Variants in RESF1 observed in about 807,000 individuals in gnomAD.
The protein encoded by RESF1 is retroelement silencing factor 1, also known as gonad expressed transcript.
RESF1 carries 65 observed loss-of-function variants against 134.7 expected under a neutral mutation model. The ratio of observed to expected loss-of-function variants is 0.48; its 90% CI spans 0.40 to 0.59. The LOEUF (loss-of-function observed/expected upper bound fraction) is 0.59. RESF1 is among the 20% of genes least tolerant of loss of function. The pLI is 0.00. For missense variants in RESF1, 2,274 were observed against 2,002.7 expected (o/e 1.14, Z -2.59); for synonymous variants, 762 against 702.2 (o/e 1.09, Z -1.35).
In RESF1 at chr12:31,983,848, G is replaced by A; in HGVS notation, c.2893G>A (p.Val965Ile). 1 of 1,613,302 alleles carries A rather than the reference G, an allele frequency of 6.2e-7. No individual in the cohort carries two copies. Among genetic ancestry groups the A allele is most frequent in the Non-Finnish European group, 8.5e-7 (1 of 1,179,984 alleles). ...QKDKPVQCTDVSHKICDQSKS... is the reference protein window; with the variant it reads ...QKDKPVQCTDISHKICDQSKS... ...AGATAAACCTGTACAGTGCACAGAT[G>A]TTTCACATAAAATATGTGATCAGTC... is the stretch of plus-strand genomic sequence containing the variant. The change falls in exon 4 of 6, where the codon GTT becomes ATT. Residue 965 changes from valine (V) to isoleucine (I), a missense_variant. Val to Ile is a conservative substitution (Grantham distance 29). Transcript: ENST00000312561.
Position 31,983,951 on chromosome 12 carries a change from A to G in RESF1, c.2996A>G (p.Glu999Gly). 6.2e-7 allele frequency: 1 copy of G among 1,613,840 alleles called. No homozygotes were observed. The change falls in exon 4 of 6, where the codon GAG becomes GGG. Residue 999 changes from glutamate (E) to glycine (G), a missense_variant. By Grantham distance (98) the Glu-to-Gly change is moderately conservative. Coordinates refer to ENST00000312561, the MANE Select transcript of RESF1 (RefSeq NM_018169.4). ...GTTATTCTAGAGAAAAGTAGTTTGG[A>G]GCATGCCACTGAAAAAAGCACAGCT... Reference protein sequence around the residue: ...NRVILEKSSLEHATEKSTAND... With the variant: ...NRVILEKSSLGHATEKSTAND...
chr12:31,969,138 G>A (rs1939457609), intron 2 of RESF1, among the ~76,000 whole-genome samples: 1 of 152,012 alleles, frequency 6.6e-6, no homozygotes, highest in Admixed American at 6.6e-5. Flanking sequence ...TTTTTTTGTA[G>A]AGACTGGGTC....
At chr12:31,989,115 G>A (rs1254763133) in intron 5 of RESF1, among the ~76,000 whole-genome samples, 1 of 151,926 alleles carries the variant, frequency 6.6e-6, no homozygotes, top group East Asian at 1.9e-4. Flanking sequence ...GCAAAGAGGG[G>A]GCTGGGCACG....
chr12:31,982,664 C>G lies in RESF1; in HGVS notation c.1709C>G (p.Thr570Ser). Reference sequence around the variant, plus strand: ...ATTTCTGTTCCCAAGTCCATGTCCACTGAGGAATATAAATCAAAAATTCAA... The same window carrying G: ...ATTTCTGTTCCCAAGTCCATGTCCAGTGAGGAATATAAATCAAAAATTCAA... Reference protein sequence around the residue: ...ETISVPKSMSTEEYKSKIQNE... With the variant: ...ETISVPKSMSSEEYKSKIQNE... Residue 570 changes from threonine to serine, a missense_variant, in exon 4 of 6, where the codon ACT becomes AGT. Thr to Ser is a moderately conservative substitution (Grantham distance 58). Transcript: ENST00000312561. 6.2e-7 allele frequency: 1 copy of G among 1,614,090 alleles called. No individual in the cohort carries two copies. Among genetic ancestry groups the G allele is most frequent in the East Asian group, 2.2e-5 (1 of 44,882 alleles).
chr12:31,969,267 A>G lies in RESF1; in HGVS notation c.-246-922A>G, dbSNP rs575749238. On this transcript the variant is annotated intron_variant, in intron 2 of 5. Transcript: ENST00000312561. ...AGTGGTAACCCCTGTGTATAAAACA[A>G]TTCTTAGGCTGGGATGGCTTGAGCC... Among the ~76,000 whole-genome samples the G allele has an allele frequency of 4.6e-5, 7 of 152,292 alleles. No individual in the cohort carries two copies. The East Asian group carries it at 1.4e-3, about 29-fold the overall frequency.
chr12:31,965,396 A>C (rs1277424123), intron 2 of RESF1, among the ~76,000 whole-genome samples: 4 of 152,174 alleles, frequency 2.6e-5, no homozygotes, highest in Non-Finnish European at 4.4e-5. Context: ...CATAACGTGA[A>C]TCCATGGTAA....
At chr12:31,969,918 A>G (rs571683568) in intron 2 of RESF1, among the ~76,000 whole-genome samples, 40 of 152,246 alleles carry the variant, frequency 2.6e-4, no homozygotes, top group African/African-American at 8.4e-4. Flanking sequence ...ACTTCTTTCT[A>G]TTCATGTGTA....
In RESF1 at chr12:31,985,215, TAAAG is replaced by T. The variant is rs1184204925; in HGVS notation, c.4264_4267del (p.Glu1422ArgfsTer9). 1.9e-6 allele frequency: 3 copies of T among 1,585,144 alleles called. No homozygotes were observed. Among genetic ancestry groups the T allele is most frequent in the African/African-American group, 2.7e-5 (2 of 73,024 alleles). ...CAAACCCAAACGAAAGAGCCATTGT[TAAAG>T]AAAAGATGGTATCAAATACTAAGTC... On this transcript the variant is annotated frameshift_variant, in exon 4 of 6. Coordinates refer to ENST00000312561, the MANE Select transcript of RESF1 (RefSeq NM_018169.4). LOFTEE classifies it high-confidence loss of function.
chr12:31,969,893 G>A (rs1939471005), intron 2 of RESF1, among the ~76,000 whole-genome samples: 1 of 152,090 alleles, frequency 6.6e-6, no homozygotes, highest in South Asian at 2.1e-4. Context: ...GCCCAGCCTA[G>A]GTCTATTTTC....
Position 31,985,695 on chromosome 12 carries a change from A to G in RESF1, c.4740A>G (p.Leu1580=). 1 of 1,611,302 alleles carries G rather than the reference A, an allele frequency of 6.2e-7. No homozygotes were observed. The highest frequency in any genetic ancestry group is 8.5e-7 in the Non-Finnish European group (1 of 1,179,300). Residue 1580 remains leucine, a synonymous_variant, in exon 4 of 6, where the codon TTA becomes TTG. Coordinates refer to ENST00000312561, the MANE Select transcript of RESF1 (RefSeq NM_018169.4). ...CCCAAGTAAAGGATCAAAAGAAATT[A>G]TATCTGAATAGAGTTGGGTTTAAAT... is the stretch of plus-strand genomic sequence containing the variant. The part of the protein sequence containing the change: ...MPPQVKDQKK[L]YLNRVGFKCT...
intron 3 of RESF1, among the ~76,000 whole-genome samples, chr12:31,972,372 C>T (rs1190490201): frequency 1.3e-4 from 20 of 151,620 alleles, no homozygotes; most frequent in Non-Finnish European, 5.9e-5. Flanking sequence ...TTTGGGAGGC[C>T]GAGGTGGGTG....
chr12:31,974,179 C>T (rs531253216), intron 3 of RESF1, among the ~76,000 whole-genome samples: 60 of 151,824 alleles, frequency 4.0e-4, no homozygotes, highest in African/African-American at 1.2e-3. Flanking sequence ...CCCCACCCTA[C>T]GGTCACCTCT....
rs200924789 is a variant in RESF1, at chr12:31,982,155, A to G, written c.1200A>G (p.Leu400=). 6 of 1,613,114 alleles carry G rather than the reference A, an allele frequency of 3.7e-6. No individual in the cohort carries two copies. The East Asian group carries it at 1.3e-4, about 36-fold the overall frequency. ...KEKLVRDIKT[L]VEIKQKFSEL... ...AGCTAGTAAGGGATATTAAAACATTAGTAGAGATAAAACAGAAGTTTTCAG... is the reference window on the plus strand; with the variant it reads ...AGCTAGTAAGGGATATTAAAACATTGGTAGAGATAAAACAGAAGTTTTCAG... The change falls in exon 4 of 6, where the codon TTA becomes TTG. Residue 400 remains leucine, a synonymous_variant. Coordinates refer to ENST00000312561, the MANE Select transcript of RESF1 (RefSeq NM_018169.4).
chr12:31,974,236 G>A (rs962463403), intron 3 of RESF1, among the ~76,000 whole-genome samples: 1 of 151,666 alleles, frequency 6.6e-6, no homozygotes, highest in Non-Finnish European at 1.5e-5. Flanking sequence ...AAGGTCTCAG[G>A]AGCTCTGTGT....
At chr12:31,971,236 G>A (rs141426672) in intron 3 of RESF1, among the ~76,000 whole-genome samples, 16 of 152,226 alleles carry the variant, frequency 1.1e-4, no homozygotes, top group African/African-American at 3.6e-4. Context: ...TCCGCCTCCC[G>A]GATTCAAGTG....
chr12:31,984,382 G>T lies in RESF1; in HGVS notation c.3427G>T (p.Val1143Leu), dbSNP rs1209294936. The T allele has an allele frequency of 6.2e-7, 1 of 1,614,118 alleles. No homozygotes were observed. The highest frequency in any genetic ancestry group is 2.2e-5 in the East Asian group (1 of 44,888). Residue 1143 changes from valine to leucine, a missense_variant, in exon 4 of 6, where the codon GTA becomes TTA. By Grantham distance (32) the Val-to-Leu change is conservative. Transcript: ENST00000312561. ...EPQKEEPITE[V>L]VSQCDLQAPA... ...TCAGAAAGAAGAGCCCATCACAGAA[G>T]TAGTTAGCCAGTGTGACCTGCAGGC...
In RESF1 at chr12:31,982,477, G is replaced by A. The variant is rs201898246; in HGVS notation, c.1522G>A (p.Val508Ile). 5 of 1,613,638 alleles carry A rather than the reference G, an allele frequency of 3.1e-6. No homozygotes were observed. The highest frequency in any genetic ancestry group is 2.2e-5 in the East Asian group (1 of 44,876). The change falls in exon 4 of 6, where the codon GTC becomes ATC. Residue 508 changes from valine to isoleucine, a missense_variant. Val to Ile is a conservative substitution (Grantham distance 29, BLOSUM62 3). Coordinates refer to ENST00000312561, the MANE Select transcript of RESF1 (RefSeq NM_018169.4). ...NQVDSVLPNP[V>I]YSEKRPMPDS... ...AGTTGATTCTGTTTTACCAAATCCT[G>A]TCTATTCTGAAAAGCGGCCAATGCC... is the stretch of plus-strand genomic sequence containing the variant.
Position 31,984,725 on chromosome 12 carries a change from A to G in RESF1, c.3770A>G (p.Lys1257Arg). The change falls in exon 4 of 6, where the codon AAA becomes AGA. Residue 1257 changes from lysine to arginine, a missense_variant. Lys to Arg is a conservative substitution (Grantham distance 26). Coordinates refer to ENST00000312561, the MANE Select transcript of RESF1 (RefSeq NM_018169.4). ...HFPELQDDSR[K>R]DTPKTKHKSL... is the part of the protein sequence containing the mutation. ...CCTGAACTACAAGACGACAGTAGAAAAGATACACCCAAAACAAAACATAAA... is the reference window on the plus strand; with the variant it reads ...CCTGAACTACAAGACGACAGTAGAAGAGATACACCCAAAACAAAACATAAA... The G allele has an allele frequency of 6.2e-7, 1 of 1,605,522 alleles. No homozygotes were observed. Among genetic ancestry groups the G allele is most frequent in the African/African-American group, 1.3e-5 (1 of 74,296 alleles).
intron 2 of RESF1, among the ~76,000 whole-genome samples, chr12:31,966,382 G>A (rs1200479140): frequency 1.3e-5 from 2 of 152,186 alleles, no homozygotes; most frequent in Non-Finnish European, 2.9e-5. Context: ...TGTGTTCTCT[G>A]TTGTCTTTAA....
Sources: gnomAD v4.1 joint callset for allele counts (sites outside exome capture counted in the v4.1 genomes callset) on GRCh38, gnomAD v4.1.1 for gene constraint, MANE v1.5 for transcripts, NCBI Gene and HGNC (gene_info 2026-07-23, HGNC 2026-07-21) for gene names.